The following ZAN variants were observed in gnomAD, a reference collection of about 807,000 sequenced individuals.
ZAN encodes zonadhesin, also known as zonadhesin (gene/pseudogene).
A neutral mutation model predicts 286.2 loss-of-function variants in ZAN; 260 were observed. The ratio of observed to expected loss-of-function variants is 0.91; its 90% CI spans 0.82 to 1.01. The LOEUF is 1.01. Among genes scored for constraint, ZAN ranks in the 50% least tolerant of loss-of-function variants. ZAN has a pLI of 0.00. For missense variants in ZAN, 3,410 were observed against 3,639.2 expected (o/e 0.94, Z 1.62); for synonymous variants, 1,368 against 1,417.5 (o/e 0.97, Z 0.79).
chr7:100,753,476 G>A (rs1386391246), intron 14 of ZAN, among the ~76,000 whole-genome samples: 6 of 152,088 alleles, frequency 3.9e-5, no homozygotes, highest in East Asian at 3.9e-4. Flanking sequence ...CTTCCTTCTC[G>A]TTGTTTGTTA....
rs1359419473 is a variant in ZAN, at chr7:100,753,135, T to A, written c.3030T>A (p.Thr1010=). The A allele has an allele frequency of 2.5e-6, 4 of 1,613,714 alleles. No individual in the cohort carries two copies. Among genetic ancestry groups the A allele is most frequent in the Non-Finnish European group, 3.4e-6 (4 of 1,179,842 alleles). Residue 1010 remains threonine (T), a synonymous_variant, in exon 14 of 48, where the codon ACT becomes ACA. Transcript: ENST00000613979. ...LRPPHPSPTA[T]GLAALVMSPH... is the part of the protein sequence containing the mutation. ...CACCCCATCCCAGCCCCACAGCCACTGGGCTGGCAGCCTTGGTGATGTCTC... is the reference window on the plus strand; with the variant it reads ...CACCCCATCCCAGCCCCACAGCCACAGGGCTGGCAGCCTTGGTGATGTCTC...
At chr7:100,748,086 T>TG in intron 9 of ZAN, 51 bp from the exon 10 acceptor site, 3 of 1,502,148 alleles carry the variant, frequency 2.0e-6, no homozygotes, top group Non-Finnish European at 2.8e-6. Context: ...ATCAGGGGCT[T>TG]GGGGGTGTGG....
At chr7:100,793,394 AAC>A (rs1812128352) in intron 42 of ZAN, among the ~76,000 whole-genome samples, 1 of 152,142 alleles carries the variant, frequency 6.6e-6, no homozygotes. Flanking sequence ...ATGAAGCTGC[AAC>A]ACGTTCTAGC....
chr7:100,789,078 G>A (rs1198958610), intron 38 of ZAN, 140 bp from the exon 39 acceptor site: 2 of 1,255,692 alleles, frequency 1.6e-6, no homozygotes, highest in African/African-American at 1.5e-5. Context: ...CACGTGAATA[G>A]CAAAGCCCAT....
chr7:100,749,538 G>C (rs1339813801), intron 11 of ZAN, among the ~76,000 whole-genome samples: 1 of 151,290 alleles, frequency 6.6e-6, no homozygotes, highest in Admixed American at 6.6e-5. Context: ...TACTCGGGAG[G>C]CTGAGGCAGG....
In ZAN at chr7:100,796,004, C is replaced by T. The variant is rs60174658; in HGVS notation, c.8266+668C>T. Among the ~76,000 whole-genome samples, 494 of 151,916 alleles carry T rather than the reference C, an allele frequency of 3.3e-3. 1 individual carries two copies. The highest frequency in any genetic ancestry group is 0.011 in the African/African-American group (461 of 41,448). On this transcript the variant is annotated intron_variant, in intron 45 of 47. Transcript: ENST00000613979. ...CTGAGGCACGAGACCCGCTTGAACC[C>T]GGGAGGCAGAGGTTGCAGTGAGCTA...
rs1810818700 is a variant in ZAN, at chr7:100,776,652, TCCCCTC to T, written c.6317+92_6317+97del. 9.8e-6 allele frequency: 7 copies of T among 715,656 alleles called. No individual in the cohort carries two copies. The African/African-American group carries it at 1.5e-4, about 15-fold the overall frequency. The allele number at this position is 715,656 out of a possible 1,614,324, so 44.3% of individuals were successfully genotyped here. ...CTGCCTTCCCTTCCCTTCCCTCCCC[TCCCCTC>T]CCCTCCCCTTCCTTCCTTTCTTCCT... On this transcript the variant is annotated intron_variant, in intron 34 of 47. Transcript: ENST00000613979.
chr7:100,767,014 C>T lies in ZAN; in HGVS notation c.4617C>T (p.Ala1539=), dbSNP rs766871439. The T allele has an allele frequency of 6.2e-6, 10 of 1,613,596 alleles. No homozygotes were observed. The highest frequency in any genetic ancestry group is 5.0e-5 in the Admixed American group (3 of 59,950). Residue 1539 remains alanine, a synonymous_variant, in exon 25 of 48, where the codon GCC becomes GCT. Coordinates refer to ENST00000613979, the MANE Select transcript of ZAN (RefSeq NM_003386.3). The stretch of plus-strand genomic sequence containing the variant: ...ACTCCATCTTCTTCTCCACAGGTGC[C>T]GCCACCTGCACAGCCTCGGGTGACC... The part of the protein sequence containing the change: ...DGIYGCHAQG[A]ATCTASGDPH...
intron 44 of ZAN, 77 bp downstream of exon 44, chr7:100,794,335 T>C (rs1812210371): frequency 1.3e-6 from 2 of 1,518,162 alleles, no homozygotes; most frequent in Admixed American, 2.2e-5. Context: ...GTCCCCTCCT[T>C]GTCCTCAGGA....
chr7:100,783,145 G>GT (rs1323603922), intron 35 of ZAN, among the ~76,000 whole-genome samples: 5 of 152,106 alleles, frequency 3.3e-5, no homozygotes, highest in Non-Finnish European at 5.9e-5. Context: ...GTATGTGCCT[G>GT]TAATCCCAGC....
At position 100,792,004 on chromosome 7, in the gene ZAN, TG is replaced by T; in HGVS notation, c.7571del (p.Gly2524AlafsTer145). ...PAEEEGQGAE[L>X]GLRTGLQVSE... ...GAGGAGGAGGGACAAGGGGCGGAGC[TG>T]GGCCTCCGCACGGGCCTCCAAGTGT... On this transcript the variant is annotated frameshift_variant, in exon 41 of 48. Transcript: ENST00000613979. LOFTEE classifies it high-confidence loss of function. 1 of 1,613,308 alleles carries T rather than the reference TG, an allele frequency of 6.2e-7. No individual in the cohort carries two copies. Among genetic ancestry groups the T allele is most frequent in the South Asian group, 1.1e-5 (1 of 91,004 alleles).
At chr7:100,783,753 A>T (rs1208564321) in intron 35 of ZAN, among the ~76,000 whole-genome samples, 1,287 of 26,520 alleles carry the variant, frequency 0.049, 21 homozygotes, top group Non-Finnish European at 0.067. Flanking sequence ...AAAAAAAAAA[A>T]AAAAAAAAAA....
At position 100,773,700 on chromosome 7, in the gene ZAN, G is replaced by A. The variant is rs779218507; in HGVS notation, c.5635-21G>A. The A allele has an allele frequency of 8.1e-6, 13 of 1,602,416 alleles. No individual in the cohort carries two copies. In the South Asian group the frequency reaches 1.3e-4, roughly 17 times the overall value. Reference sequence around the variant, plus strand: ...CCAATTCCAACTTTCTGTTGGCTCAGCTGATCCCTGTGGCCCACAGGTCGG... The same window carrying A: ...CCAATTCCAACTTTCTGTTGGCTCAACTGATCCCTGTGGCCCACAGGTCGG... On this transcript the variant is annotated intron_variant, in intron 30 of 47. Transcript: ENST00000613979.
intron 14 of ZAN, among the ~76,000 whole-genome samples, chr7:100,753,873 G>A (rs949869811): frequency 1.3e-5 from 2 of 150,736 alleles, no homozygotes; most frequent in African/African-American, 4.9e-5. Context: ...CAATTCTGTG[G>A]GTTTTAGTAT....
rs953234992 is a variant in ZAN at position 100,762,337 on chromosome 7, C to T, written c.3965C>T (p.Thr1322Met). The change falls in exon 20 of 48, where the codon ACG becomes ATG. Residue 1322 changes from threonine (T) to methionine (M), a missense_variant. This residue lies in a region of ZAN where 1,042 missense variants were observed against 1,058.0 expected (regional missense o/e 0.98). Coordinates refer to ENST00000613979, the MANE Select transcript of ZAN (RefSeq NM_003386.3). Reference sequence around the variant, plus strand: ...GAGGAGCTGGGGAACAGCTGGCAGACGGACCAGGACGAGGACCAGGAGTGA... The same window carrying T: ...GAGGAGCTGGGGAACAGCTGGCAGATGGACCAGGACGAGGACCAGGAGTGA... The part of the protein sequence containing the change: ...DKEELGNSWQ[T>M]DQDEDQECQK... 3.2e-5 allele frequency: 52 copies of T among 1,612,034 alleles called. No individual in the cohort carries two copies. The highest frequency in any genetic ancestry group is 3.3e-4 in the Middle Eastern group (2 of 6,066).
At position 100,751,175 on chromosome 7, in the gene ZAN, C is replaced by T; in HGVS notation, c.1522-7C>T. The T allele has an allele frequency of 4.4e-6, 7 of 1,597,036 alleles. No homozygotes were observed. The highest frequency in any genetic ancestry group is 6.0e-6 in the Non-Finnish European group (7 of 1,173,716). ...CTCTCTCCGTCTCTCTCCCTTGTCG[C>T]CTTTAGCTTATTTTCAAGGGCATCC... On this transcript the variant is annotated splice_region_variant and splice_polypyrimidine_tract_variant and intron_variant, in intron 12 of 47. Coordinates refer to ENST00000613979, the MANE Select transcript of ZAN (RefSeq NM_003386.3).
At position 100,767,987 on chromosome 7, in the gene ZAN, G is replaced by A. The variant is rs374808378; in HGVS notation, c.5017G>A (p.Gly1673Ser). The A allele has an allele frequency of 6.2e-7, 1 of 1,613,652 alleles. No homozygotes were observed. The highest frequency in any genetic ancestry group is 8.5e-7 in the Non-Finnish European group (1 of 1,179,708). ...GGAAGTGACAGTCCCCTCCTCCTAT[G>A]GCGGCCAGCTCTGTGGGCTGTGTGG... ...LVEVTVPSSY[G>S]GQLCGLCGNY... The change falls in exon 26 of 48, where the codon GGC (glycine) becomes AGC (serine). Residue 1673 changes from glycine to serine, a missense_variant. Gly to Ser is a moderately conservative substitution (Grantham distance 56). This residue lies in a region of ZAN where 1,042 missense variants were observed against 1,058.0 expected (regional missense o/e 0.98). Transcript: ENST00000613979.
intron 15 of ZAN, among the ~76,000 whole-genome samples, chr7:100,757,593 A>T (rs1809232196): frequency 6.6e-6 from 1 of 151,736 alleles, no homozygotes; most frequent in African/African-American, 2.4e-5. Context: ...AGTCTCTACT[A>T]AAAATACAAA....
intron 2 of ZAN, among the ~76,000 whole-genome samples, 161 bp from the exon 3 acceptor site, chr7:100,735,559 A>G (rs1399333955): frequency 7.7e-6 from 1 of 129,826 alleles, no homozygotes; most frequent in East Asian, 2.1e-4. Flanking sequence ...GGAAAAAAAA[A>G]AAAAGAAAAG....
Sources: allele counts gnomAD v4.1 joint callset (sites outside exome capture counted in the v4.1 genomes callset), GRCh38; gene constraint gnomAD v4.1.1; regional missense constraint gnomAD v4.1.1; transcripts MANE v1.5; gene names NCBI Gene and HGNC (gene_info 2026-07-23, HGNC 2026-07-21).